The following TPO variants were observed in gnomAD, a reference collection of about 807,000 sequenced individuals.
TPO encodes the protein thyroid microsomal antigen.
A neutral mutation model predicts 96.9 loss-of-function variants in TPO; 78 were observed. That is an observed-to-expected ratio of 0.81 (90% CI 0.67 to 0.97). The LOEUF (loss-of-function observed/expected upper bound fraction) is 0.97, where lower values mean the gene tolerates loss of function less well. TPO is among the 50% of genes least tolerant of loss of function. The pLI is 0.00. For missense variants in TPO, 1,252 were observed against 1,274.8 expected (o/e 0.98, Z 0.27); for synonymous variants, 547 against 538.0 (o/e 1.02, Z -0.23).
intron 15 of TPO, among the ~76,000 whole-genome samples, chr2:1,523,191 CAA>C (rs1675568687): frequency 8.3e-6 from 1 of 120,864 alleles, no homozygotes; most frequent in East Asian, 2.9e-4. Flanking sequence ...CAAATCCCCC[CAA>C]CTGTTTGCAA....
chr2:1,525,232 T>G (rs1460105642), intron 15 of TPO, among the ~76,000 whole-genome samples: 7 of 128,190 alleles, frequency 5.5e-5, no homozygotes, highest in Non-Finnish European at 3.3e-5. Context: ...CCTCACTGTG[T>G]GCAACCTCCC....
rs1450683528 is a variant in TPO, at chr2:1,487,992, G to A, written c.1768+1G>A. The A allele has an allele frequency of 2.3e-5, 37 of 1,612,624 alleles. No individual in the cohort carries two copies. The highest frequency in any genetic ancestry group is 3.1e-5 in the Non-Finnish European group (36 of 1,180,028). On this transcript the variant is annotated splice_donor_variant, in intron 10 of 16. Transcript: ENST00000329066. LOFTEE classifies it high-confidence loss of function. ...AGGGGCCGGGACCACGGGCTGCCAG[G>A]TCTGCCAGTTCCTTCCCTTGCACAC...
rs1488060952 is a variant in TPO, at chr2:1,484,859, G to C, written c.1597+5G>C. The C allele has an allele frequency of 3.1e-6, 5 of 1,613,578 alleles. No individual in the cohort carries two copies. Among genetic ancestry groups the C allele is most frequent in the Non-Finnish European group, 4.2e-6 (5 of 1,180,032 alleles). The stretch of plus-strand genomic sequence containing the variant: ...CATGGACATTACTCCGTGGAGGTGA[G>C]TGAGTGCGGTCCCTGCAGCTGGTCC... On this transcript the variant is annotated splice_donor_5th_base_variant and intron_variant, in intron 9 of 16. Transcript: ENST00000329066.
At chr2:1,530,283 C>T (rs1677787263) in intron 15 of TPO, among the ~76,000 whole-genome samples, 1 of 106,812 alleles carries the variant, frequency 9.4e-6, no homozygotes, top group African/African-American at 3.9e-5. Context: ...CTCCTCAAAT[C>T]CCCCGCCAGT....
intron 1 of TPO, among the ~76,000 whole-genome samples, chr2:1,394,283 G>A (rs557318810): frequency 6.6e-6 from 1 of 152,182 alleles, no homozygotes; most frequent in Non-Finnish European, 1.5e-5. Context: ...TGTAATATAA[G>A]AACCTTGTAA....
intron 9 of TPO, among the ~76,000 whole-genome samples, chr2:1,485,679 T>C (rs1671092597): frequency 6.6e-6 from 1 of 151,878 alleles, no homozygotes; most frequent in Non-Finnish European, 1.5e-5. Flanking sequence ...TTTTTTCATG[T>C]GTCTGTTGGC....
chr2:1,540,709 C>G lies in TPO; in HGVS notation c.2734C>G (p.Gln912Glu). Residue 912 changes from glutamine (Q) to glutamate (E), a missense_variant, in exon 16 of 17, where the codon CAG (glutamine) becomes GAG (glutamate). Transcript: ENST00000329066. ...GACCTCACCGCAGCGGGCCGCAGCT[C>G]AGGACTCGGAGCAGGTGGGCCACAC... ...VGTSPQRAAAQDSEQESAGME... is the reference protein window; with the variant it reads ...VGTSPQRAAAEDSEQESAGME... 1 of 1,613,164 alleles carries G rather than the reference C, an allele frequency of 6.2e-7. No homozygotes were observed. Among genetic ancestry groups the G allele is most frequent in the Non-Finnish European group, 8.5e-7 (1 of 1,180,046 alleles).
At chr2:1,478,589 T>TG (rs1405813598) in intron 8 of TPO, among the ~76,000 whole-genome samples, 3 of 152,204 alleles carry the variant, frequency 2.0e-5, no homozygotes, top group Non-Finnish European at 4.4e-5. Context: ...ATGCGCTGGG[T>TG]GTTAACCCTT....
At chr2:1,436,189 G>C in intron 4 of TPO, 63 bp from the exon 5 acceptor site, 1 of 1,613,118 alleles carries the variant, frequency 6.2e-7, no homozygotes, top group Non-Finnish European at 8.5e-7. Context: ...GACTGCAATA[G>C]AATATTTGTT....
chr2:1,537,643 T>TC (rs56153611), intron 15 of TPO, among the ~76,000 whole-genome samples: 5 of 80,914 alleles, frequency 6.2e-5, no homozygotes, highest in African/African-American at 1.5e-4. Context: ...CATCCCCAGA[T>TC]CCCCCCCAAT....
At chr2:1,509,541 CTCT>C (rs879479600) in intron 14 of TPO, among the ~76,000 whole-genome samples, 1 of 151,192 alleles carries the variant, frequency 6.6e-6, no homozygotes, top group Non-Finnish European at 1.5e-5. Context: ...ACAGGATACC[CTCT>C]TGTTTCAGGG....
intron 8 of TPO, chr2:1,478,031 C>A (rs995907645): frequency 2.0e-6 from 2 of 985,324 alleles, no homozygotes; most frequent in African/African-American, 1.7e-5. Flanking sequence ...CCAGAACAAC[C>A]CTTGGAGGTG....
chr2:1,505,503 C>CG (rs1443071707), intron 14 of TPO, among the ~76,000 whole-genome samples: 1 of 106,608 alleles, frequency 9.4e-6, no homozygotes, highest in East Asian at 3.0e-4. Flanking sequence ...TCAGGCACAC[C>CG]CCCACCACCA....
chr2:1,530,635 T>TGA lies in TPO; in HGVS notation c.2619-9959_2619-9958insGA, dbSNP rs1408658480. On this transcript the variant is annotated intron_variant, in intron 15 of 16. Coordinates refer to ENST00000329066, the MANE Select transcript of TPO (RefSeq NM_001206744.2). ...TGTGCAACCTCCCCAACTCCCCGAC[T>TGA]CTCTGCAACCTCCCCAAATCCCCCA... Among the ~76,000 whole-genome samples the TGA allele has an allele frequency of 4.8e-3, 194 of 40,568 alleles. 27 individuals are homozygous for TGA. Among genetic ancestry groups the TGA allele is most frequent in the African/African-American group, 0.018 (162 of 9,004 alleles). 26.6% of individuals were successfully genotyped at this position (40,568 alleles called of 152,430 possible).
At chr2:1,376,054 G>A (rs1049671871) in intron 1 of TPO, among the ~76,000 whole-genome samples, 11 of 152,334 alleles carry the variant, frequency 7.2e-5, no homozygotes, top group African/African-American at 2.4e-4. Flanking sequence ...CACCCAGCAC[G>A]TGCATCGTGG....
At chr2:1,470,589 G>C (rs1354061322) in intron 7 of TPO, among the ~76,000 whole-genome samples, 1 of 151,266 alleles carries the variant, frequency 6.6e-6, no homozygotes, top group East Asian at 1.9e-4. Context: ...AACTGGGCTT[G>C]ATATACAACT....
At chr2:1,496,495 C>G (rs978007054) in intron 12 of TPO, 100 bp from the exon 13 acceptor site, 2 of 1,533,314 alleles carry the variant, frequency 1.3e-6, no homozygotes, top group South Asian at 1.1e-5. Context: ...GCCCTGGCAC[C>G]AGCCCCTCCA....
intron 15 of TPO, among the ~76,000 whole-genome samples, chr2:1,535,723 C>CA (rs1679486593): frequency 1.0e-5 from 1 of 97,316 alleles, no homozygotes. Flanking sequence ...GAAATCCACC[C>CA]AGTGTGTGCA....
chr2:1,488,861 C>T (rs1671421814), intron 10 of TPO, among the ~76,000 whole-genome samples: 1 of 152,178 alleles, frequency 6.6e-6, no homozygotes, highest in African/African-American at 2.4e-5. Context: ...GGATCAGCAG[C>T]CACACAGGCT....
Sources: gnomAD v4.1 joint callset for allele counts (sites outside exome capture counted in the v4.1 genomes callset) on GRCh38, gnomAD v4.1.1 for gene constraint, MANE v1.5 for transcripts, NCBI Gene and HGNC (gene_info 2026-07-23, HGNC 2026-07-21) for gene names.